TENM1: variants seen among roughly 807,000 people sequenced by gnomAD.
The protein encoded by TENM1 is teneurin-1.
In TENM1, 35 loss-of-function variants were observed where a neutral mutation model predicts 174.8. The observed-to-expected ratio is 0.20, with a 90% CI of 0.15 to 0.27. The LOEUF is 0.27. Ranked by LOEUF, TENM1 falls within the 10% of genes least tolerant of loss-of-function variation. TENM1 has a pLI of 1.00. For missense variants in TENM1, 1,633 were observed against 2,130.1 expected, an observed-to-expected ratio of 0.77 and a Z score of 4.59; for synonymous variants, 781 against 798.7, an observed-to-expected ratio of 0.98 and a Z score of 0.37.
the TENM1 span, among the ~76,000 whole-genome samples, chrX:125,026,030 A>G: frequency 9.0e-6 from 1 of 111,172 alleles, no homozygotes; most frequent in Admixed American, 9.6e-5. Flanking sequence ...ATCAGACTAA[A>G]TGTGAATAAA....
chrX:124,874,662 T>C (rs887079989), intron 3 of TENM1, among the ~76,000 whole-genome samples: 1 of 111,243 alleles, frequency 9.0e-6, no homozygotes, highest in Non-Finnish European at 1.9e-5. Context: ...TATTGCTTTA[T>C]AGTACTTATT....
intron 28 of TENM1, 92 bp from the exon 32 acceptor site, chrX:124,386,156 A>C (rs1044225082): frequency 1.6e-4 from 142 of 876,055 alleles, no homozygotes; most frequent in Middle Eastern, 2.9e-4. Flanking sequence ...AACACAAATC[A>C]ATCAAGCACT....
At chrX:125,047,122 C>T in the TENM1 span, among the ~76,000 whole-genome samples, 1 of 111,258 alleles carries the variant, frequency 9.0e-6, no homozygotes, top group South Asian at 3.7e-4. Context: ...TGATTCTACA[C>T]TCTATTTTAG....
intron 17 of TENM1, among the ~76,000 whole-genome samples, chrX:124,522,227 A>C (rs1342076157): frequency 1.8e-5 from 2 of 111,093 alleles, no homozygotes; most frequent in Non-Finnish European, 3.8e-5. Flanking sequence ...TTTTTGTGTG[A>C]GCCTTATCTA....
At chrX:124,839,461 T>G in intron 3 of TENM1, among the ~76,000 whole-genome samples, 1 of 111,731 alleles carries the variant, frequency 9.0e-6, no homozygotes, top group Non-Finnish European at 1.9e-5. Context: ...TGCACATAAA[T>G]GCCATATTTT....
At chrX:124,495,438 G>A (rs1255987384) in intron 20 of TENM1, among the ~76,000 whole-genome samples, 2 of 108,010 alleles carry the variant, frequency 1.9e-5, no homozygotes, top group Non-Finnish European at 3.8e-5. Flanking sequence ...AGTAGGTTGC[G>A]AAAATTTTCT....
At chrX:124,497,947 A>G (rs558568432) in intron 19 of TENM1, among the ~76,000 whole-genome samples, 1 of 111,501 alleles carries the variant, frequency 9.0e-6, no homozygotes, top group South Asian at 3.8e-4. Flanking sequence ...TCCCATTTCT[A>G]TATGCTGAAA....
chrX:124,922,453 AAT>A, intron 1 of TENM1, among the ~76,000 whole-genome samples: 1 of 110,858 alleles, frequency 9.0e-6, no homozygotes, highest in South Asian at 3.7e-4. Flanking sequence ...GAAATTTTGT[AAT>A]TATTTTAGCT....
intron 11 of TENM1, among the ~76,000 whole-genome samples, chrX:124,605,910 C>T (rs2050144440): frequency 8.9e-6 from 1 of 111,840 alleles, no homozygotes; most frequent in African/African-American, 3.2e-5. Flanking sequence ...CTTATTGTAG[C>T]AGTGTATATT....
chrX:124,900,983 G>C, intron 1 of TENM1, among the ~76,000 whole-genome samples: 1 of 109,776 alleles, frequency 9.1e-6, no homozygotes, highest in Non-Finnish European at 1.9e-5. Context: ...GTAGAGACGG[G>C]GTTTCACCAT....
chrX:124,625,769 T>G (rs961677952), intron 11 of TENM1, among the ~76,000 whole-genome samples: 1 of 110,454 alleles, frequency 9.1e-6, no homozygotes, highest in Non-Finnish European at 1.9e-5. Flanking sequence ...TCATGAGAAC[T>G]CACTATCACA....
chrX:124,411,554 C>T (rs1431863041), intron 25 of TENM1, among the ~76,000 whole-genome samples: 1 of 111,711 alleles, frequency 9.0e-6, no homozygotes, highest in East Asian at 2.8e-4. Flanking sequence ...AACACACTCA[C>T]ATACCCCAAT....
chrX:124,661,458 C>T (rs770169747), intron 6 of TENM1, among the ~76,000 whole-genome samples: 30 of 111,944 alleles, frequency 2.7e-4, no homozygotes, highest in Non-Finnish European at 4.3e-4. Context: ...TACCTGCTAC[C>T]TAGAAGCTGA....
At chrX:124,415,894 A>T (rs896052956) in intron 25 of TENM1, among the ~76,000 whole-genome samples, 1 of 111,471 alleles carries the variant, frequency 9.0e-6, no homozygotes, top group African/African-American at 3.3e-5. Context: ...TCTCTTCAGC[A>T]TCATCAATTT....
At chrX:124,741,543 A>T (rs1256504212) in intron 3 of TENM1, among the ~76,000 whole-genome samples, 1 of 112,137 alleles carries the variant, frequency 8.9e-6, no homozygotes, top group African/African-American at 3.2e-5. Flanking sequence ...ATTAAAAAAA[A>T]AGGAACCTAA....
At chrX:124,807,878 TACACACACACACAC>T (rs151254866) in intron 3 of TENM1, among the ~76,000 whole-genome samples, 1 of 85,167 alleles carries the variant, frequency 1.2e-5, no homozygotes, top group Non-Finnish European at 2.3e-5. Flanking sequence ...GAAAATCACT[TACACACACACACAC>T]ACACACACAC....
intron 14 of TENM1, among the ~76,000 whole-genome samples, chrX:124,548,007 T>C (rs771860381): frequency 1.4e-4 from 16 of 111,138 alleles, no homozygotes; most frequent in Non-Finnish European, 2.1e-4. Flanking sequence ...CGGCTAATTT[T>C]TTGTATTTTT....
intron 3 of TENM1, among the ~76,000 whole-genome samples, chrX:124,741,326 T>A (rs1173116472): frequency 8.9e-6 from 1 of 112,067 alleles, no homozygotes. Context: ...TTAGAGTATC[T>A]CTGCTCAGAA....
At chrX:125,121,380 T>A in the TENM1 span, among the ~76,000 whole-genome samples, 1 of 112,213 alleles carries the variant, frequency 8.9e-6, no homozygotes, top group South Asian at 3.7e-4. Flanking sequence ...CCATAATTTA[T>A]GTTGTTGGCT....
Sources: gnomAD v4.1 joint callset for allele counts (sites outside exome capture counted in the v4.1 genomes callset) on GRCh38, gnomAD v4.1.1 for gene constraint, MANE v1.5 for transcripts, NCBI Gene and HGNC (gene_info 2026-07-23, HGNC 2026-07-21) for gene names.